PHLDB2: variants seen among roughly 807,000 people sequenced by gnomAD.
PHLDB2 encodes the protein pleckstrin homology like domain family B member 2.
Under a neutral mutation model 123.6 loss-of-function variants are expected in PHLDB2, and 71 were observed. That is an observed-to-expected ratio of 0.57 (90% CI 0.47 to 0.70). The LOEUF (loss-of-function observed/expected upper bound fraction) is 0.70, where lower values mean the gene tolerates loss of function less well. Ranked by LOEUF, PHLDB2 falls within the 30% of genes least tolerant of loss-of-function variation. PHLDB2 has a pLI of 0.00. For missense variants in PHLDB2, 1,446 were observed against 1,519.5 expected (o/e 0.95, Z 0.80); for synonymous variants, 547 against 541.6 (o/e 1.01, Z -0.14).
At chr3:111,760,713 G>A (rs1438824321) in intron 1 of PHLDB2, among the ~76,000 whole-genome samples, 5 of 152,016 alleles carry the variant, frequency 3.3e-5, no homozygotes, top group Admixed American at 6.6e-5. Flanking sequence ...TGAGAGCCAC[G>A]TGGGACTGGT....
At chr3:111,747,889 C>A (rs1214543734) in intron 1 of PHLDB2, among the ~76,000 whole-genome samples, 1 of 152,140 alleles carries the variant, frequency 6.6e-6, no homozygotes, top group African/African-American at 2.4e-5. Context: ...ACTAATGACC[C>A]TAACTTCACT....
intron 6 of PHLDB2, among the ~76,000 whole-genome samples, chr3:111,935,918 A>G (rs933589360): frequency 3.3e-5 from 5 of 152,110 alleles, no homozygotes; most frequent in African/African-American, 9.7e-5. Flanking sequence ...CTTCAATCCA[A>G]TCAGGTTGAC....
At chr3:111,829,067 G>T (rs1255705283) in intron 1 of PHLDB2, among the ~76,000 whole-genome samples, 1 of 152,118 alleles carries the variant, frequency 6.6e-6, no homozygotes, top group African/African-American at 2.4e-5. Flanking sequence ...GTTTTTCTGA[G>T]TAGCTAAGTG....
At position 111,913,421 on chromosome 3, in the gene PHLDB2, A is replaced by C. The variant is rs755410418; in HGVS notation, c.1438A>C (p.Asn480His). The change falls in exon 3 of 18, where the codon AAC (asparagine) becomes CAC (histidine). Residue 480 changes from asparagine (N) to histidine (H), a missense_variant. Transcript: ENST00000431670. ...GTTVEDVQKI[N>H]KELEKLQLSD... ...CACCGTGGAAGATGTGCAGAAAATC[A>C]ACAAGGAGCTTGAGAAGCTGCAGCT... 1.4e-5 allele frequency: 23 copies of C among 1,614,160 alleles called. No individual in the cohort carries two copies. In the South Asian group the frequency reaches 1.9e-4, roughly 13 times the overall value.
chr3:111,785,182 A>T (rs2060632175), intron 1 of PHLDB2, among the ~76,000 whole-genome samples: 1 of 152,104 alleles, frequency 6.6e-6, no homozygotes, highest in Non-Finnish European at 1.5e-5. Flanking sequence ...AGCTTGTTTG[A>T]ACATTTCATC....
In PHLDB2 at chr3:111,976,223, G is replaced by C. The variant is rs1180785761; in HGVS notation, c.*1660G>C. ...CTTAAATATGTGTGTTAAATATATT[G>C]AGTTTGGATTAAAATGTTGACATGA... On this transcript the variant is annotated 3_prime_UTR_variant, in exon 18 of 18. Transcript: ENST00000431670. The C allele has an allele frequency of 6.6e-6, 1 of 152,210 alleles. No individual in the cohort carries two copies. Among genetic ancestry groups the C allele is most frequent in the Non-Finnish European group, 1.5e-5 (1 of 68,020 alleles). 9.4% of individuals were successfully genotyped at this position (152,210 alleles called of 1,614,324 possible).
chr3:111,796,525 G>A (rs1432213549), intron 1 of PHLDB2, among the ~76,000 whole-genome samples: 1 of 152,048 alleles, frequency 6.6e-6, no homozygotes, highest in Non-Finnish European at 1.5e-5. Flanking sequence ...GCCAGTAGGA[G>A]ATTTTATTTT....
intron 1 of PHLDB2, among the ~76,000 whole-genome samples, chr3:111,766,479 A>G (rs2060083626): frequency 6.6e-6 from 1 of 151,954 alleles, no homozygotes; most frequent in Non-Finnish European, 1.5e-5. Context: ...GAAATCTAAG[A>G]AACCTTACCA....
chr3:111,859,763 G>C, intron 1 of PHLDB2, 187 bp downstream of exon 1: 2 of 985,512 alleles, frequency 2.0e-6, no homozygotes, highest in Non-Finnish European at 2.4e-6. Context: ...ACTGCTCACC[G>C]CGAGTCAGGA....
intron 1 of PHLDB2, among the ~76,000 whole-genome samples, chr3:111,834,119 A>T (rs1435110029): frequency 2.6e-5 from 1 of 38,012 alleles, no homozygotes; most frequent in African/African-American, 7.2e-5. Flanking sequence ...TATATGTAAT[A>T]GAATTATATA....
intron 1 of PHLDB2, among the ~76,000 whole-genome samples, chr3:111,877,503 C>A (rs1275812483): frequency 6.6e-6 from 1 of 152,050 alleles, no homozygotes; most frequent in South Asian, 2.1e-4. Context: ...AAAATTTCTC[C>A]CATTCTGTAG....
chr3:111,814,910 T>G (rs1162994247), intron 1 of PHLDB2, among the ~76,000 whole-genome samples: 1 of 152,220 alleles, frequency 6.6e-6, no homozygotes, highest in Non-Finnish European at 1.5e-5. Context: ...CATCTTGAAT[T>G]ATAACTTCCA....
intron 13 of PHLDB2, 89 bp from the exon 14 acceptor site, chr3:111,966,519 GTGTCT>G (rs199885387): frequency 0.14 from 87,725 of 620,622 alleles, 6,068 homozygotes; most frequent in African/African-American, 0.28. Context: ...GTGTGTGTGT[GTGTCT>G]GGGGTGTGTG....
At chr3:111,881,821 A>G (rs2065943055) in intron 1 of PHLDB2, among the ~76,000 whole-genome samples, 1 of 151,340 alleles carries the variant, frequency 6.6e-6, no homozygotes, top group African/African-American at 2.4e-5. Flanking sequence ...AGTGTTTTCA[A>G]ATTATTGCAA....
chr3:111,910,394 A>C (rs1238142232), intron 2 of PHLDB2, among the ~76,000 whole-genome samples: 1 of 152,228 alleles, frequency 6.6e-6, no homozygotes, highest in Non-Finnish European at 1.5e-5. Flanking sequence ...ACTTTTCAAG[A>C]GAATGAACAC....
At position 111,885,187 on chromosome 3, in the gene PHLDB2, T is replaced by G. The variant is rs1424672352; in HGVS notation, c.1110T>G (p.Ala370=). 5 of 1,614,166 alleles carry G rather than the reference T, an allele frequency of 3.1e-6. No individual in the cohort carries two copies. Among genetic ancestry groups the G allele is most frequent in the African/African-American group, 2.7e-5 (2 of 75,042 alleles). The change falls in exon 2 of 18, where the codon GCT becomes GCG. Residue 370 remains alanine, a synonymous_variant. Transcript: ENST00000431670. ...CAAACCCGAGTCATTCACTTCTTGC[T>G]GGAGAGTCAGACAGAGTTTTTGCGA... ...VGTNPSHSLL[A]GESDRVFATR...
At chr3:111,896,235 G>A (rs982336222) in intron 2 of PHLDB2, among the ~76,000 whole-genome samples, 1 of 152,134 alleles carries the variant, frequency 6.6e-6, no homozygotes, top group Non-Finnish European at 1.5e-5. Flanking sequence ...TTACAGGCGT[G>A]AGCCACCATG....
chr3:111,952,479 A>G (rs1191486253), intron 10 of PHLDB2, 93 bp from the exon 11 acceptor site: 13 of 1,408,724 alleles, frequency 9.2e-6, no homozygotes, highest in African/African-American at 1.4e-5. Context: ...TTAAAATTCC[A>G]GTTTTTTTTG....
chr3:111,779,611 A>G (rs1432635027), intron 1 of PHLDB2, among the ~76,000 whole-genome samples: 1 of 151,976 alleles, frequency 6.6e-6, no homozygotes, highest in Non-Finnish European at 1.5e-5. Flanking sequence ...GCTGCATAGT[A>G]TATTCCATGG....
Sources: allele counts gnomAD v4.1 joint callset (sites outside exome capture counted in the v4.1 genomes callset), GRCh38; gene constraint gnomAD v4.1.1; transcripts MANE v1.5; gene names NCBI Gene and HGNC (gene_info 2026-07-23, HGNC 2026-07-21).